Variants in IGF2BP3 observed in about 807,000 individuals in gnomAD.
The protein encoded by IGF2BP3 is insulin-like growth factor 2 mRNA-binding protein 3.
IGF2BP3 carries 9 observed loss-of-function variants against 73.8 expected under a neutral mutation model. The observed-to-expected ratio is 0.12, with a 90% CI of 0.07 to 0.21. The LOEUF (loss-of-function observed/expected upper bound fraction) is 0.21. Ranked by LOEUF, IGF2BP3 falls within the 10% of genes least tolerant of loss-of-function variation. The pLI is 1.00. For synonymous variants in IGF2BP3, 258 were observed against 256.7 expected (o/e 1.01, Z -0.05); for missense variants, 542 against 714.0 (o/e 0.76, Z 2.75).
At chr7:23,375,239 C>G (rs1183840965) in intron 3 of IGF2BP3, among the ~76,000 whole-genome samples, 1 of 152,138 alleles carries the variant, frequency 6.6e-6, no homozygotes, top group Non-Finnish European at 1.5e-5. Context: ...CTACCCTCCC[C>G]CACCACCCCA....
At chr7:23,352,452 C>T (rs571712632) in intron 5 of IGF2BP3, among the ~76,000 whole-genome samples, 1 of 152,030 alleles carries the variant, frequency 6.6e-6, no homozygotes, top group African/African-American at 2.4e-5. Context: ...TCATGCTTGG[C>T]TAATTTTTGT....
chr7:23,316,114 T>G (rs1342288632), intron 12 of IGF2BP3, among the ~76,000 whole-genome samples: 1 of 152,192 alleles, frequency 6.6e-6, no homozygotes, highest in Non-Finnish European at 1.5e-5. Flanking sequence ...GAGTTAAGAT[T>G]TGAACTGCCT....
intron 3 of IGF2BP3, among the ~76,000 whole-genome samples, chr7:23,396,249 G>C (rs748134968): frequency 6.6e-6 from 1 of 151,956 alleles, no homozygotes; most frequent in African/African-American, 2.4e-5. Context: ...ATAAAGTGCT[G>C]GCTTGGGGGT....
chr7:23,464,047 A>T (rs557777845), intron 2 of IGF2BP3, among the ~76,000 whole-genome samples: 1 of 152,178 alleles, frequency 6.6e-6, no homozygotes, highest in Non-Finnish European at 1.5e-5. Flanking sequence ...AAGGAGTACC[A>T]CTGCTATTCG....
chr7:23,408,813 T>C (rs751954068), intron 3 of IGF2BP3, among the ~76,000 whole-genome samples: 1 of 152,118 alleles, frequency 6.6e-6, no homozygotes, highest in Admixed American at 6.5e-5. Context: ...CATATGCCCA[T>C]GGACAGAAGA....
intron 3 of IGF2BP3, chr7:23,414,646 T>A (rs776767880): frequency 1.3e-5 from 2 of 152,732 alleles, no homozygotes; most frequent in Non-Finnish European, 2.9e-5. Flanking sequence ...CAGTTCCAAA[T>A]GTACTTCTCA....
chr7:23,465,530 C>CG (rs1554338703), intron 2 of IGF2BP3, among the ~76,000 whole-genome samples: 9 of 151,776 alleles, frequency 5.9e-5, no homozygotes, highest in Non-Finnish European at 1.0e-4. Flanking sequence ...GGGTCCCCCC[C>CG]CAAGCTCCAC....
At chr7:23,348,730 C>T (rs577973726) in intron 6 of IGF2BP3, among the ~76,000 whole-genome samples, 1 of 152,128 alleles carries the variant, frequency 6.6e-6, no homozygotes, top group Non-Finnish European at 1.5e-5. Context: ...AAAAATGTCT[C>T]CAGACATTGC....
In IGF2BP3 at chr7:23,442,333, G is replaced by A. The variant is rs77686934; in HGVS notation, c.237-23509C>T. ...GTAATCCCTTAAGGCAGATTTATCA[G>A]TTGTGTAACGGATTAATGTCATCTT... is the stretch of plus-strand genomic sequence containing the variant. On this transcript the variant is annotated intron_variant, in intron 2 of 14. Coordinates refer to ENST00000258729, the MANE Select transcript of IGF2BP3 (RefSeq NM_006547.3). 9.7e-3 allele frequency among the ~76,000 whole-genome samples: 1,477 copies of A among 152,254 alleles called. 35 individuals carry two copies. The highest frequency in any genetic ancestry group is 0.034 in the African/African-American group (1,396 of 41,534).
chr7:23,364,435 C>T (rs928391436), intron 3 of IGF2BP3, among the ~76,000 whole-genome samples: 1 of 149,478 alleles, frequency 6.7e-6, no homozygotes, highest in Non-Finnish European at 1.5e-5. Context: ...GTAATACCAG[C>T]TACTTGGGAG....
At chr7:23,402,199 T>C (rs1786689535) in intron 3 of IGF2BP3, 1 of 152,218 alleles carries the variant, frequency 6.6e-6, no homozygotes, top group Admixed American at 6.5e-5. Context: ...TTTAGACTTT[T>C]AGAGTTGAGT....
chr7:23,315,682 A>C (rs559899310), intron 12 of IGF2BP3, among the ~76,000 whole-genome samples: 2 of 152,230 alleles, frequency 1.3e-5, no homozygotes, highest in Non-Finnish European at 2.9e-5. Context: ...CCTCAGGCCA[A>C]TGACGTAGAT....
intron 2 of IGF2BP3, among the ~76,000 whole-genome samples, chr7:23,419,930 C>T (rs1385151557): frequency 1.3e-5 from 2 of 152,104 alleles, no homozygotes; most frequent in African/African-American, 2.4e-5. Flanking sequence ...GTGCACAGTA[C>T]AGAAAATGTT....
chr7:23,422,443 TACTC>T (rs1787377966), intron 2 of IGF2BP3, among the ~76,000 whole-genome samples: 3 of 152,120 alleles, frequency 2.0e-5, no homozygotes. Context: ...TAGTCCTAGA[TACTC>T]AGGATGCTGA....
In IGF2BP3 at chr7:23,312,254, A is replaced by G. The variant is rs1306098045; in HGVS notation, c.*108T>C. On this transcript the variant is annotated 3_prime_UTR_variant, in exon 15 of 15. Coordinates refer to ENST00000258729, the MANE Select transcript of IGF2BP3 (RefSeq NM_006547.3). ...GGTCCTCAGAAACAACTGGCTAGGT[A>G]AAAACTTGTGCATGTGATTCTGGAT... The G allele has an allele frequency of 2.5e-6, 2 of 815,724 alleles. No homozygotes were observed. The highest frequency in any genetic ancestry group is 3.4e-5 in the African/African-American group (2 of 58,420). 50.5% of individuals were successfully genotyped at this position (815,724 alleles called of 1,614,324 possible).
At chr7:23,331,230 T>A (rs531955397) in intron 10 of IGF2BP3, among the ~76,000 whole-genome samples, 8 of 152,248 alleles carry the variant, frequency 5.3e-5, no homozygotes, top group Admixed American at 3.3e-4. Context: ...TGGAACTGTC[T>A]GTCAATTTTA....
At chr7:23,343,463 G>A (rs1355280933) in intron 9 of IGF2BP3, among the ~76,000 whole-genome samples, 1 of 152,162 alleles carries the variant, frequency 6.6e-6, no homozygotes, top group Non-Finnish European at 1.5e-5. Context: ...TTTGTAGGTA[G>A]ACACTAGCCT....
intron 6 of IGF2BP3, among the ~76,000 whole-genome samples, chr7:23,350,623 C>T (rs1784936345): frequency 6.6e-6 from 1 of 152,248 alleles, no homozygotes; most frequent in Non-Finnish European, 1.5e-5. Context: ...AATTCACATA[C>T]AGTCATTTTA....
At chr7:23,330,952 C>G (rs1164763759) in intron 10 of IGF2BP3, among the ~76,000 whole-genome samples, 3 of 152,014 alleles carry the variant, frequency 2.0e-5, no homozygotes, top group Non-Finnish European at 4.4e-5. Flanking sequence ...TGCACACCAC[C>G]ATGCCCGGCT....
Sources: allele counts gnomAD v4.1 joint callset (sites outside exome capture counted in the v4.1 genomes callset), GRCh38; gene constraint gnomAD v4.1.1; transcripts MANE v1.5; gene names NCBI Gene and HGNC (gene_info 2026-07-23, HGNC 2026-07-21).